ANXA2: variants seen among roughly 807,000 people sequenced by gnomAD.
ANXA2 encodes the protein annexin II.
ANXA2 carries 28 observed loss-of-function variants against 47.3 expected under a neutral mutation model. The ratio of observed to expected loss-of-function variants is 0.59; its 90% CI spans 0.44 to 0.81. The LOEUF (loss-of-function observed/expected upper bound fraction) is 0.81. Among genes scored for constraint, ANXA2 ranks in the 40% least tolerant of loss-of-function variants. The pLI, the probability that ANXA2 is intolerant of heterozygous loss-of-function variation, is 0.00. For missense variants in ANXA2, 384 were observed against 414.3 expected (o/e 0.93, Z 0.64); for synonymous variants, 172 against 155.5 (o/e 1.11, Z -0.79).
At chr15:60,390,193 A>AACCACAAAGTCACACTT in intron 1 of ANXA2, 2 of 840,640 alleles carry the variant, frequency 2.4e-6, no homozygotes, top group Non-Finnish European at 2.9e-6. Context: ...ACATCACAAT[A>AACCACAAAGTCACACTT]ACCACAAAGT....
chr15:60,363,008 T>G (rs1190131054), intron 4 of ANXA2: 1 of 102,142 alleles, frequency 9.8e-6, no homozygotes, highest in African/African-American at 3.9e-5. Context: ...CAAGCCTGGG[T>G]GACAGAGCAA....
At chr15:60,393,304 G>A in intron 1 of ANXA2, 1 of 1,002,284 alleles carries the variant, frequency 1.0e-6, no homozygotes, top group Non-Finnish European at 1.2e-6. Flanking sequence ...TGGAGTGGGT[G>A]GAAAGAGACC....
chr15:60,389,993 G>C lies in ANXA2; in HGVS notation c.-11-3907C>G, dbSNP rs191230442. ...CAAGTATTCAAATGGTGAATGCATA[G>C]GTACAATTCAAAGCAGTAGAAAGTA... On this transcript the variant is annotated intron_variant, in intron 1 of 12. Transcript: ENST00000451270. Among the ~76,000 whole-genome samples the C allele has an allele frequency of 2.2e-3, 338 of 152,234 alleles. No homozygotes were observed. The highest frequency in any genetic ancestry group is 3.1e-3 in the Non-Finnish European group (211 of 68,014).
Position 60,352,680 on chromosome 15 carries a change from A to G in ANXA2, c.589-204T>C, listed in dbSNP as rs191212436. 6.6e-6 allele frequency among the ~76,000 whole-genome samples: 1 copy of G among 152,362 alleles called. No individual in the cohort carries two copies. The highest frequency in any genetic ancestry group is 2.4e-5 in the African/African-American group (1 of 41,590). ...TCTTCCTTAGGCACAGATGGATACC[A>G]TATGAGACTGCAGATAGTTCGTGAG... is the stretch of plus-strand genomic sequence containing the variant. On this transcript the variant is annotated intron_variant, in intron 8 of 12. Coordinates refer to ENST00000451270, the MANE Select transcript of ANXA2 (RefSeq NM_004039.3). The surrounding 1 kb of genome is among the most constrained non-coding windows in gnomAD (Gnocchi z 4.2).
chr15:60,367,429 A>G (rs956859140), intron 3 of ANXA2, among the ~76,000 whole-genome samples: 6 of 2,392 alleles, frequency 2.5e-3, no homozygotes, highest in South Asian at 0.017. Flanking sequence ...TCCGGGAGGG[A>G]GGTGGGGGGG....
chr15:60,359,137 G>T (rs1039206053), intron 5 of ANXA2, among the ~76,000 whole-genome samples: 1 of 152,112 alleles, frequency 6.6e-6, no homozygotes, highest in Non-Finnish European at 1.5e-5. Flanking sequence ...ATTTTGGACG[G>T]GTATTCAACT....
At position 60,347,460 on chromosome 15, in the gene ANXA2, A is replaced by C; in HGVS notation, c.*170T>G. ...ATTTCTTTGGCTTACAGGAGAGACT[A>C]GACAGGAAGGCCAGGCAATGCTTAG... On this transcript the variant is annotated 3_prime_UTR_variant, in exon 13 of 13. Coordinates refer to ENST00000451270, the MANE Select transcript of ANXA2 (RefSeq NM_004039.3). 1 of 634,850 alleles carries C rather than the reference A, an allele frequency of 1.6e-6. No individual in the cohort carries two copies. Among genetic ancestry groups the C allele is most frequent in the Non-Finnish European group, 2.8e-6 (1 of 359,290 alleles). 39.3% of individuals were successfully genotyped at this position (634,850 alleles called of 1,614,324 possible).
rs574576577 is a variant in ANXA2 at position 60,393,473 on chromosome 15, A to T, written c.-12+4470T>A. On this transcript the variant is annotated intron_variant, in intron 1 of 12. Transcript: ENST00000451270. The stretch of plus-strand genomic sequence containing the variant: ...AAAAAGTCTAATGTCAGCATTCAAG[A>T]CCTTCCACACTGTGGACTTACCTAC... 61 of 996,756 alleles carry T rather than the reference A, an allele frequency of 6.1e-5. No homozygotes were observed. In the Admixed American group the frequency reaches 1.4e-3, roughly 23 times the overall value. The allele number at this position is 996,756 out of a possible 1,614,324, so 61.7% of individuals were successfully genotyped here.
Position 60,355,920 on chromosome 15 carries a change from T to A in ANXA2, c.527A>T (p.Lys176Met). ...AAAGAAAGAAACTGGGAAACCAACC[T>A]TTGCCAGGGCAACCATCAGCTTGCG... Reference protein sequence around the residue: ...DFRKLMVALAKGRRAEDGSVI... With the variant: ...DFRKLMVALAMGRRAEDGSVI... Residue 176 changes from lysine to methionine, a missense_variant and splice_region_variant, in exon 7 of 13, where the codon AAG becomes ATG. Coordinates refer to ENST00000451270, the MANE Select transcript of ANXA2 (RefSeq NM_004039.3). 2 of 1,613,902 alleles carry A rather than the reference T, an allele frequency of 1.2e-6. No homozygotes were observed. Among genetic ancestry groups the A allele is most frequent in the Non-Finnish European group, 8.5e-7 (1 of 1,179,744 alleles).
chr15:60,359,140 ATTCAAC>A (rs1223293304), intron 5 of ANXA2, among the ~76,000 whole-genome samples: 2 of 152,198 alleles, frequency 1.3e-5, no homozygotes, highest in Non-Finnish European at 2.9e-5. Flanking sequence ...TTGGACGGGT[ATTCAAC>A]TGTGATAGCT....
chr15:60,380,114 A>G (rs1487954802), intron 3 of ANXA2, among the ~76,000 whole-genome samples: 1 of 152,204 alleles, frequency 6.6e-6, no homozygotes, highest in African/African-American at 2.4e-5. Flanking sequence ...TAGGAAAGCA[A>G]ACCACATGGA....
At chr15:60,380,239 A>G (rs2062837316) in intron 3 of ANXA2, among the ~76,000 whole-genome samples, 1 of 152,142 alleles carries the variant, frequency 6.6e-6, no homozygotes, top group Non-Finnish European at 1.5e-5. Flanking sequence ...ACTTTACAAC[A>G]ATCCCGTGAG....
chr15:60,386,598 A>T (rs762866428), intron 1 of ANXA2: 1 of 153,104 alleles, frequency 6.5e-6, no homozygotes, highest in African/African-American at 2.4e-5. Flanking sequence ...TCTTAGTCCA[A>T]TGATACTTGG....
chr15:60,386,228 C>T, intron 1 of ANXA2, 142 bp from the exon 2 acceptor site: 1 of 633,248 alleles, frequency 1.6e-6, no homozygotes, highest in South Asian at 2.0e-5. Context: ...GATGCAATTC[C>T]CATCTTACGA....
intron 1 of ANXA2, chr15:60,391,432 G>C (rs2063009021): frequency 6.6e-6 from 1 of 152,336 alleles, no homozygotes; most frequent in Non-Finnish European, 1.5e-5. Flanking sequence ...TAATGCCCCA[G>C]GGTGGCAGAA....
intron 3 of ANXA2, among the ~76,000 whole-genome samples, chr15:60,369,829 C>G (rs886562761): frequency 2.0e-5 from 3 of 152,212 alleles, no homozygotes; most frequent in Non-Finnish European, 4.4e-5. Flanking sequence ...CTACCAACTG[C>G]TTTTGTGAGG....
chr15:60,374,243 C>T (rs887429919), intron 3 of ANXA2, among the ~76,000 whole-genome samples: 4 of 152,158 alleles, frequency 2.6e-5, no homozygotes, highest in Admixed American at 6.5e-5. Flanking sequence ...GCCTTCCATG[C>T]AGAATTATAT....
At chr15:60,376,400 G>A (rs139417606) in intron 3 of ANXA2, among the ~76,000 whole-genome samples, 4 of 151,516 alleles carry the variant, frequency 2.6e-5, no homozygotes, top group Middle Eastern at 3.4e-3. Flanking sequence ...AAAAGAAGAC[G>A]ACGACGACAG....
chr15:60,377,757 C>G (rs1050343949), intron 3 of ANXA2, among the ~76,000 whole-genome samples: 1 of 152,088 alleles, frequency 6.6e-6, no homozygotes, highest in African/African-American at 2.4e-5. Flanking sequence ...ACGTCTGTTT[C>G]CATTGCTAAT....
Sources: allele counts gnomAD v4.1 joint callset (sites outside exome capture counted in the v4.1 genomes callset), GRCh38; gene constraint gnomAD v4.1.1; non-coding constraint Gnocchi (gnomAD v3.1); transcripts MANE v1.5; gene names NCBI Gene and HGNC (gene_info 2026-07-23, HGNC 2026-07-21).